The following PKD1L1 variants were observed in gnomAD, a reference collection of about 807,000 sequenced individuals.
PKD1L1 encodes polycystin 1 like 1, transient receptor potential channel interacting.
Under a neutral mutation model 323.4 loss-of-function variants are expected in PKD1L1, and 236 were observed. The observed-to-expected ratio is 0.73, with a 90% CI of 0.66 to 0.81. The LOEUF is 0.81. PKD1L1 is among the 40% of genes least tolerant of loss of function. The probability of loss-of-function intolerance (pLI) is 0.00; values close to 1 mark genes in which losing one functional copy is unlikely to be tolerated. For missense variants in PKD1L1, 3,320 were observed against 3,508.0 expected, an observed-to-expected ratio of 0.95 and a Z score of 1.35; for synonymous variants, 1,344 against 1,335.0, an observed-to-expected ratio of 1.01 and a Z score of -0.15.
intron 22 of PKD1L1, 38 bp downstream of exon 22, chr7:47,877,451 G>C (rs112909560): frequency 1.9e-6 from 3 of 1,608,272 alleles, no homozygotes; most frequent in African/African-American, 1.3e-5. Context: ...TGCCACTGTC[G>C]GGGGTCTCTC....
chr7:47,891,530 A>C (rs1310674105), intron 15 of PKD1L1, among the ~76,000 whole-genome samples: 1 of 152,204 alleles, frequency 6.6e-6, no homozygotes, highest in Admixed American at 6.5e-5. Flanking sequence ...ATGTGAACTG[A>C]TATTGATCTT....
chr7:47,893,990 C>T lies in PKD1L1; in HGVS notation c.2341G>A (p.Val781Ile). 2 of 1,613,440 alleles carry T rather than the reference C, an allele frequency of 1.2e-6. No homozygotes were observed. The highest frequency in any genetic ancestry group is 1.3e-5 in the African/African-American group (1 of 74,992). ...VGLEVRAQAP[V>I]SVISEGTHLF... ...TGTGTGCCCTCGGAGATCACACTGACAGGGGCCTGGGCTCGCACCTCCAGG... is the reference window on the plus strand; with the variant it reads ...TGTGTGCCCTCGGAGATCACACTGATAGGGGCCTGGGCTCGCACCTCCAGG... Residue 781 changes from valine (V) to isoleucine (I), a missense_variant, in exon 15 of 57, where the codon GTC becomes ATC. Physicochemically the swap from Val to Ile is conservative, Grantham distance 29. Transcript: ENST00000289672.
At chr7:47,958,135 A>C in the PKD1L1 span, among the ~76,000 whole-genome samples, 1 of 152,166 alleles carries the variant, frequency 6.6e-6, no homozygotes, top group Non-Finnish European at 1.5e-5. Context: ...TTGAATAGCC[A>C]AAGCAATCTT....
chr7:47,934,992 C>T (rs767783201), intron 4 of PKD1L1, among the ~76,000 whole-genome samples: 52 of 152,264 alleles, frequency 3.4e-4, no homozygotes, highest in Non-Finnish European at 6.8e-4. Context: ...TCAATGAGCT[C>T]CCGCAGAGGG....
chr7:47,788,298 A>T (rs1256949741), intron 56 of PKD1L1, among the ~76,000 whole-genome samples: 1 of 149,884 alleles, frequency 6.7e-6, no homozygotes, highest in Admixed American at 6.6e-5. Flanking sequence ...TTTTTATTTT[A>T]TTCATATATT....
In PKD1L1 at chr7:47,908,052, C is replaced by T. The variant is rs767039990; in HGVS notation, c.1402+25G>A. 19 of 1,607,996 alleles carry T rather than the reference C, an allele frequency of 1.2e-5. No individual in the cohort carries two copies. In the East Asian group the frequency reaches 4.2e-4, roughly 36 times the overall value. On this transcript the variant is annotated intron_variant, in intron 9 of 56. Transcript: ENST00000289672. ...TTCATTTATAGTTGAAGTGTGCTTG[C>T]TCAGACTCCAGACATACGTCTTACT... is the stretch of plus-strand genomic sequence containing the variant.
At chr7:47,819,651 A>C (rs1364110167) in intron 46 of PKD1L1, 2 of 1,156,372 alleles carry the variant, frequency 1.7e-6, no homozygotes, top group East Asian at 9.8e-5. Context: ...CAGAAAAAAA[A>C]AAACAAAACA....
In PKD1L1 at chr7:47,803,219, A is replaced by G. The variant is rs1784703943; in HGVS notation, c.7953T>C (p.Phe2651=). ...SMMRHSLPSI[F]VAGLVGALML... ...AGGGGAGAGTTCTTACCCCTGCTAC[A>G]AAGATGCTGGGGAGTGAGTGGCGCA... The change falls in exon 53 of 57, where the codon TTT becomes TTC. Residue 2651 remains phenylalanine (F), a synonymous_variant. Coordinates refer to ENST00000289672, the MANE Select transcript of PKD1L1 (RefSeq NM_138295.5). The G allele has an allele frequency of 1.2e-6, 2 of 1,614,164 alleles. No homozygotes were observed. Among genetic ancestry groups the G allele is most frequent in the African/African-American group, 1.3e-5 (1 of 75,038 alleles).
chr7:47,890,240 G>A lies in PKD1L1; in HGVS notation c.2675+302C>T, dbSNP rs188845253. The stretch of plus-strand genomic sequence containing the variant: ...AGTCCCAAGCCCCAGGAGAGTCCCC[G>A]ATCTTTCAGGCAGGTGCTGTGATGG... On this transcript the variant is annotated intron_variant, in intron 16 of 56. Transcript: ENST00000289672. 1.8e-3 allele frequency among the ~76,000 whole-genome samples: 271 copies of A among 152,308 alleles called. 1 individual carries two copies. Among genetic ancestry groups the A allele is most frequent in the African/African-American group, 6.4e-3 (266 of 41,578 alleles).
chr7:47,875,305 A>G (rs1786380235), intron 23 of PKD1L1, among the ~76,000 whole-genome samples: 1 of 152,232 alleles, frequency 6.6e-6, no homozygotes, highest in Admixed American at 6.5e-5. Context: ...AAGGAACTTC[A>G]GCTTGGCTTA....
At chr7:47,936,060 A>C (rs1170747008) in intron 4 of PKD1L1, among the ~76,000 whole-genome samples, 1 of 152,232 alleles carries the variant, frequency 6.6e-6, no homozygotes, top group Non-Finnish European at 1.5e-5. Context: ...AAGGAGTAAA[A>C]CCATCAATTT....
At chr7:47,891,085 C>G (rs138839055) in intron 15 of PKD1L1, among the ~76,000 whole-genome samples, 185 of 152,284 alleles carry the variant, frequency 1.2e-3, no homozygotes, top group African/African-American at 4.2e-3. Flanking sequence ...TGCCACTTCC[C>G]AAGTCACACA....
At chr7:47,948,172 G>A (rs1247886272) in intron 1 of PKD1L1, among the ~76,000 whole-genome samples, 1 of 152,144 alleles carries the variant, frequency 6.6e-6, no homozygotes, top group Non-Finnish European at 1.5e-5. Flanking sequence ...GAAGGCATCC[G>A]CTTGGAGGAG....
chr7:47,940,835 G>A (rs1017048321), intron 2 of PKD1L1, among the ~76,000 whole-genome samples: 12 of 152,208 alleles, frequency 7.9e-5, no homozygotes, highest in African/African-American at 9.6e-5. Context: ...GCTGAAGGCC[G>A]GGCAGTGAGC....
At chr7:47,954,522 G>C in the PKD1L1 span, among the ~76,000 whole-genome samples, 4 of 152,084 alleles carry the variant, frequency 2.6e-5, no homozygotes, top group East Asian at 7.7e-4. Flanking sequence ...GTGCCCTTCT[G>C]CCAGGGGACA....
At chr7:47,787,658 G>A (rs561916406) in intron 56 of PKD1L1, among the ~76,000 whole-genome samples, 3 of 152,140 alleles carry the variant, frequency 2.0e-5, no homozygotes, top group Non-Finnish European at 4.4e-5. Flanking sequence ...CAAATTAAGC[G>A]GGTTTAAAGG....
At chr7:47,820,730 A>G (rs202006703) in intron 46 of PKD1L1, among the ~76,000 whole-genome samples, 1 of 94,714 alleles carries the variant, frequency 1.1e-5, no homozygotes, top group Non-Finnish European at 2.6e-5. Context: ...TGTCTCAAAA[A>G]GGAAAAAAAA....
chr7:47,810,148 C>A (rs115729270), intron 50 of PKD1L1, among the ~76,000 whole-genome samples: 1,709 of 152,240 alleles, frequency 0.011, 28 homozygotes, highest in African/African-American at 0.039. Context: ...TGAAGCACAT[C>A]AGCAGGGCTT....
chr7:47,892,240 A>AGGTGGGAAGGTGATATT (rs901574843), intron 15 of PKD1L1, among the ~76,000 whole-genome samples: 4 of 152,164 alleles, frequency 2.6e-5, no homozygotes, highest in African/African-American at 9.7e-5. Context: ...TATTTGAGCA[A>AGGTGGGAAGGTGATATT]TGAGTGAAGG....
Sources: allele counts gnomAD v4.1 joint callset (sites outside exome capture counted in the v4.1 genomes callset), GRCh38; gene constraint gnomAD v4.1.1; transcripts MANE v1.5; gene names NCBI Gene and HGNC (gene_info 2026-07-23, HGNC 2026-07-21).